The following MMAB variants were observed in gnomAD, a reference collection of about 807,000 sequenced individuals.
MMAB encodes the protein corrinoid adenosyltransferase MMAB.
A neutral mutation model predicts 30.6 loss-of-function variants in MMAB; 17 were observed. That is an observed-to-expected ratio of 0.56 (90% CI 0.38 to 0.83). MMAB has a LOEUF of 0.83. Ranked by LOEUF, MMAB falls within the 40% of genes least tolerant of loss-of-function variation. The pLI is 0.00. For synonymous variants in MMAB, 134 were observed against 138.6 expected, an observed-to-expected ratio of 0.97 and a Z score of 0.23; for missense variants, 311 against 331.6, an observed-to-expected ratio of 0.94 and a Z score of 0.48.
chr12:109,573,117 T>A, intron 1 of MMAB: 2 of 602,952 alleles, frequency 3.3e-6, no homozygotes, highest in Non-Finnish European at 5.9e-6. Context: ...CTGGCCCACA[T>A]GGGATATGCC....
In MMAB at chr12:109,558,450, C is replaced by G. The variant is rs549423472; in HGVS notation, c.644+646G>C. Among the ~76,000 whole-genome samples the G allele has an allele frequency of 1.3e-5, 2 of 152,158 alleles. No individual in the cohort carries two copies. The highest frequency in any genetic ancestry group is 4.8e-5 in the African/African-American group (2 of 41,458). ...GACACCCAGGACAGCTCCTGGGGTG[C>G]AGACCTGCTCCCCCAGCTCTCTACC... On this transcript the variant is annotated intron_variant, in intron 8 of 8. Coordinates refer to ENST00000545712, the MANE Select transcript of MMAB (RefSeq NM_052845.4). This position sits in a 1 kb window ranked among gnomAD's most constrained non-coding sequence, Gnocchi z 4.3.
In MMAB at chr12:109,554,942, G is replaced by T; in HGVS notation, c.*2086C>A. The T allele has an allele frequency of 2.2e-6, 1 of 454,120 alleles. No homozygotes were observed. Among genetic ancestry groups the T allele is most frequent in the Non-Finnish European group, 4.4e-6 (1 of 226,800 alleles). The allele number at this position is 454,120 out of a possible 1,614,324, so 28.1% of individuals were successfully genotyped here. A position where few individuals can be genotyped will look rare whatever the true frequency, so the allele number is the denominator to read the frequency against. On this transcript the variant is annotated 3_prime_UTR_variant, in exon 9 of 9. Coordinates refer to ENST00000545712, the MANE Select transcript of MMAB (RefSeq NM_052845.4). ...TCAGAGAAGTGTTTGCTGGTGAACC[G>T]GGAGACAGATACAGAGGCGGGGGTC...
chr12:109,558,054 C>A lies in MMAB; in HGVS notation c.645-918G>T, dbSNP rs1217042941. Among the ~76,000 whole-genome samples, 4 of 152,184 alleles carry A rather than the reference C, an allele frequency of 2.6e-5. No homozygotes were observed. The highest frequency in any genetic ancestry group is 9.7e-5 in the African/African-American group (4 of 41,442). On this transcript the variant is annotated intron_variant, in intron 8 of 8. Coordinates refer to ENST00000545712, the MANE Select transcript of MMAB (RefSeq NM_052845.4). This position sits in a 1 kb window ranked among gnomAD's most constrained non-coding sequence, Gnocchi z 4.3. Reference sequence around the variant, plus strand: ...CCTCTCTCTCTGCCCCAGTCTTGCCCTCAGAGGCCAGCTCCACACCACATC... The same window carrying A: ...CCTCTCTCTCTGCCCCAGTCTTGCCATCAGAGGCCAGCTCCACACCACATC...
intron 3 of MMAB, chr12:109,568,113 C>T (rs1321394023): frequency 6.4e-6 from 1 of 156,114 alleles, no homozygotes; most frequent in East Asian, 1.9e-4. Context: ...ACTGCACAAT[C>T]CCCTGGCAGC....
Position 109,556,526 on chromosome 12 carries a change from C to G in MMAB, c.*502G>C. 2.2e-6 allele frequency: 1 copy of G among 454,056 alleles called. No individual in the cohort carries two copies. Among genetic ancestry groups the G allele is most frequent in the Non-Finnish European group, 4.4e-6 (1 of 226,790 alleles). 28.1% of individuals were successfully genotyped at this position (454,056 alleles called of 1,614,324 possible). A position where few individuals can be genotyped will look rare whatever the true frequency, so the allele number is the denominator to read the frequency against. On this transcript the variant is annotated 3_prime_UTR_variant, in exon 9 of 9. Coordinates refer to ENST00000545712, the MANE Select transcript of MMAB (RefSeq NM_052845.4). ...AACTTCCAAATCTTGTCCGCCTTCC[C>G]CTTTACAAATGTGACATTTAAAGCA...
rs780512260 is a variant in MMAB at position 109,561,240 on chromosome 12, C to A, written c.520-136G>T. 1.3e-5 allele frequency: 21 copies of A among 1,591,844 alleles called. No homozygotes were observed. Among genetic ancestry groups the A allele is most frequent in the Admixed American group, 5.1e-5 (3 of 58,992 alleles). ...TCCAGGAGCCCTGCCACGGCACACC[C>A]ACCGGGCACGCTGCTCCAGAGTGGG... On this transcript the variant is annotated intron_variant, in intron 6 of 8. Transcript: ENST00000545712. This position sits in a 1 kb window ranked among gnomAD's most constrained non-coding sequence, Gnocchi z 5.3.
intron 4 of MMAB, among the ~76,000 whole-genome samples, chr12:109,564,192 G>GCAACACCCC (rs1055268278): frequency 5.3e-5 from 8 of 152,148 alleles, no homozygotes; most frequent in African/African-American, 1.9e-4. Flanking sequence ...TTACATGCCA[G>GCAACACCCC]CAACACCCCC....
Position 109,555,942 on chromosome 12 carries a change from T to G in MMAB, c.*1086A>C, listed in dbSNP as rs1364439643. 2 of 453,902 alleles carry G rather than the reference T, an allele frequency of 4.4e-6. No homozygotes were observed. The highest frequency in any genetic ancestry group is 8.8e-6 in the Non-Finnish European group (2 of 226,702). 28.1% of individuals were successfully genotyped at this position (453,902 alleles called of 1,614,324 possible). A position where few individuals can be genotyped will look rare whatever the true frequency, so the allele number is the denominator to read the frequency against. ...GCTAAGCAGCCACTCAGTCAATATG[T>G]GATGGCTGAATGGAGTTCGCCAGGC... On this transcript the variant is annotated 3_prime_UTR_variant, in exon 9 of 9. Coordinates refer to ENST00000545712, the MANE Select transcript of MMAB (RefSeq NM_052845.4).
rs72650187 is a variant in MMAB, at chr12:109,561,869, A to G, written c.349-17T>C. The G allele has an allele frequency of 8.1e-3, 12,872 of 1,593,234 alleles. 68 individuals are homozygous for G. Among genetic ancestry groups the G allele is most frequent in the Non-Finnish European group, 9.7e-3 (11,344 of 1,168,372 alleles). ...GCACTGGATCTGGGGGGCGACAGAAAGTGACAGTCAAGATCTATGTGAGAT... is the reference window on the plus strand; with the variant it reads ...GCACTGGATCTGGGGGGCGACAGAAGGTGACAGTCAAGATCTATGTGAGAT... On this transcript the variant is annotated splice_polypyrimidine_tract_variant and intron_variant, in intron 4 of 8. Coordinates refer to ENST00000545712, the MANE Select transcript of MMAB (RefSeq NM_052845.4). This position sits in a 1 kb window ranked among gnomAD's most constrained non-coding sequence, Gnocchi z 5.3.
chr12:109,564,237 A>T (rs1293616651), intron 4 of MMAB, among the ~76,000 whole-genome samples: 1 of 152,186 alleles, frequency 6.6e-6, no homozygotes, highest in African/African-American at 2.4e-5. Context: ...ATGTCTCCAG[A>T]TATTGCTCAG....
At chr12:109,557,841 T>A (rs1381576203) in intron 8 of MMAB, among the ~76,000 whole-genome samples, 1 of 152,086 alleles carries the variant, frequency 6.6e-6, no homozygotes, top group Non-Finnish European at 1.5e-5. Flanking sequence ...CCCAGCCCCT[T>A]TCCCGCCTCC....
At chr12:109,564,884 AC>A in intron 4 of MMAB, 1 of 623,004 alleles carries the variant, frequency 1.6e-6, no homozygotes, top group South Asian at 1.8e-5. Flanking sequence ...TTATTATGTT[AC>A]CTAGGCTCCT....
chr12:109,572,228 ATTAT>A (rs1329257505), intron 1 of MMAB, among the ~76,000 whole-genome samples: 11 of 151,566 alleles, frequency 7.3e-5, no homozygotes, highest in Non-Finnish European at 1.2e-4. Context: ...TCCTACCGAA[ATTAT>A]TTATTTATTT....
intron 3 of MMAB, chr12:109,567,118 C>T (rs565293032): frequency 6.0e-5 from 27 of 447,720 alleles, no homozygotes; most frequent in South Asian, 2.2e-4. Context: ...TGCAGTGAGC[C>T]GAGATCACAC....
chr12:109,559,825 C>T (rs1011824354), intron 7 of MMAB, among the ~76,000 whole-genome samples: 1 of 152,212 alleles, frequency 6.6e-6, no homozygotes, highest in South Asian at 2.1e-4. Context: ...GCCATGCACC[C>T]GGCTAGCGGC....
In MMAB at chr12:109,561,507, C is replaced by A. The variant is rs200127370; in HGVS notation, c.432G>T (p.Thr144=). 1.9e-6 allele frequency: 3 copies of A among 1,549,236 alleles called. No homozygotes were observed. Among genetic ancestry groups the A allele is most frequent in the Non-Finnish European group, 2.6e-6 (3 of 1,146,954 alleles). ...SAREAHLKYT[T]FKAGPILELE... is the part of the protein sequence containing the mutation. ...GCTCCAGGATGGGCCCCGCCTTGAA[C>A]GTGGTATACTCTGAGGAGCCAAGGA... is the stretch of plus-strand genomic sequence containing the variant. Residue 144 remains threonine, a synonymous_variant, in exon 6 of 9, where the codon ACG becomes ACT. Transcript: ENST00000545712. The surrounding 1 kb of genome is among the most constrained non-coding windows in gnomAD (Gnocchi z 5.3).
chr12:109,560,845 T>C (rs886945549), intron 7 of MMAB, among the ~76,000 whole-genome samples, 195 bp downstream of exon 7: 1 of 152,148 alleles, frequency 6.6e-6, no homozygotes, highest in African/African-American at 2.4e-5. Flanking sequence ...TCTGGCACAG[T>C]GGAGGGGCCC....
In MMAB at chr12:109,557,048, C is replaced by T; in HGVS notation, c.733G>A (p.Ala245Thr). The change falls in exon 9 of 9, where the codon GCC becomes ACC. Residue 245 changes from alanine (A) to threonine (T), a missense_variant. Coordinates refer to ENST00000545712, the MANE Select transcript of MMAB (RefSeq NM_052845.4). ...EKIYMKNDPS[A>T]ESEGL ...TGATTTCAGAGTCCCTCAGACTCGG[C>T]CGATGGGTCATTTTTCATGTATATT... 1 of 1,611,960 alleles carries T rather than the reference C, an allele frequency of 6.2e-7. No homozygotes were observed.
At chr12:109,566,396 C>T (rs1232657324) in intron 3 of MMAB, among the ~76,000 whole-genome samples, 1 of 152,262 alleles carries the variant, frequency 6.6e-6, no homozygotes, top group African/African-American at 2.4e-5. Context: ...GAACTAAACA[C>T]ACCAGTATGT....
Sources: allele counts gnomAD v4.1 joint callset (sites outside exome capture counted in the v4.1 genomes callset), GRCh38; gene constraint gnomAD v4.1.1; non-coding constraint Gnocchi (gnomAD v3.1); transcripts MANE v1.5; gene names NCBI Gene and HGNC (gene_info 2026-07-23, HGNC 2026-07-21).